ETF1: variants seen among roughly 807,000 people sequenced by gnomAD.
ETF1 encodes the protein eukaryotic translation termination factor 1.
In ETF1, 4 loss-of-function variants were observed where a neutral mutation model predicts 55.1. That is an observed-to-expected ratio of 0.07 (90% CI 0.04 to 0.17). The LOEUF is 0.17. ETF1 is among the 10% of genes least tolerant of loss of function. ETF1 has a pLI of 1.00. For missense variants in ETF1, 142 were observed against 523.6 expected, an observed-to-expected ratio of 0.27 and a Z score of 7.11; for synonymous variants, 157 against 182.3, an observed-to-expected ratio of 0.86 and a Z score of 1.12.
intron 2 of ETF1, among the ~76,000 whole-genome samples, chr5:138,531,567 A>G (rs1037508252): frequency 6.6e-6 from 1 of 152,232 alleles, no homozygotes; most frequent in Non-Finnish European, 1.5e-5. Context: ...CTTTCAGGTT[A>G]GGACCAGGAA....
rs28575890 is a variant in ETF1, at chr5:138,514,072, A to G, written c.403-366T>C. On this transcript the variant is annotated intron_variant, in intron 4 of 10. Transcript: ENST00000360541. ...AATTTTGAAACACACTACAACAGGGATGAAACTTGAATACATGCTAAGTGA... is the reference window on the plus strand; with the variant it reads ...AATTTTGAAACACACTACAACAGGGGTGAAACTTGAATACATGCTAAGTGA... The G allele has an allele frequency of 2.5e-3, 498 of 201,868 alleles. 1 individual carries two copies. Among genetic ancestry groups the G allele is most frequent in the African/African-American group, 0.011 (477 of 42,488 alleles). The allele number at this position is 201,868 out of a possible 1,614,324, so 12.5% of individuals were successfully genotyped here. A position where few individuals can be genotyped will look rare whatever the true frequency, so the allele number is the denominator to read the frequency against.
At chr5:138,531,904 G>A (rs938702042) in intron 2 of ETF1, among the ~76,000 whole-genome samples, 2 of 152,108 alleles carry the variant, frequency 1.3e-5, no homozygotes, top group African/African-American at 2.4e-5. Context: ...AAAATTAGCC[G>A]GGCGTGGTGG....
rs70982719 is a variant in ETF1 at position 138,534,965 on chromosome 5, CTTT to C, written c.86+7865_86+7867del. On this transcript the variant is annotated intron_variant, in intron 2 of 10. Coordinates refer to ENST00000360541, the MANE Select transcript of ETF1 (RefSeq NM_004730.4). Reference sequence around the variant, plus strand: ...TTACTCATCCTCAGAAAACTAGTTTCTTTTTTTTTTTTTTTTTTGAGACAGAGT... The same window carrying C: ...TTACTCATCCTCAGAAAACTAGTTTCTTTTTTTTTTTTTTTGAGACAGAGT... 2.7e-4 allele frequency among the ~76,000 whole-genome samples: 34 copies of C among 126,324 alleles called. No individual in the cohort carries two copies. The Middle Eastern group carries it at 0.013, about 48-fold the overall frequency. 82.9% of individuals were successfully genotyped at this position (126,324 alleles called of 152,430 possible).
At chr5:138,520,863 T>C (rs188834590) in intron 2 of ETF1, among the ~76,000 whole-genome samples, 17 of 152,106 alleles carry the variant, frequency 1.1e-4, no homozygotes, top group East Asian at 3.9e-4. Flanking sequence ...TGTGGAGAAA[T>C]TGGAACCCTT....
rs547329581 is a variant in ETF1, at chr5:138,522,880, C to A, written c.87-4013G>T. Reference sequence around the variant, plus strand: ...AATTAGCCGGGCGCAGTGGCAGGCGCCTGTAGTCTCAGCTATTCAGGAGGC... The same window carrying A: ...AATTAGCCGGGCGCAGTGGCAGGCGACTGTAGTCTCAGCTATTCAGGAGGC... On this transcript the variant is annotated intron_variant, in intron 2 of 10. Coordinates refer to ENST00000360541, the MANE Select transcript of ETF1 (RefSeq NM_004730.4). Among the ~76,000 whole-genome samples, 37 of 152,180 alleles carry A rather than the reference C, an allele frequency of 2.4e-4. No individual in the cohort carries two copies. The South Asian group carries it at 7.7e-3, about 32-fold the overall frequency.
At chr5:138,518,617 A>T in intron 3 of ETF1, 75 bp downstream of exon 3, 1 of 1,255,388 alleles carries the variant, frequency 8.0e-7, no homozygotes, top group South Asian at 1.4e-5. Flanking sequence ...TAGTGAACAA[A>T]GCACCATAGC....
chr5:138,526,560 G>A (rs1765481121), intron 2 of ETF1, among the ~76,000 whole-genome samples: 1 of 152,112 alleles, frequency 6.6e-6, no homozygotes, highest in Non-Finnish European at 1.5e-5. Flanking sequence ...CCCCCAGGAT[G>A]GAGTCTTGCT....
rs148149392 is a variant in ETF1, at chr5:138,529,234, A to G, written c.87-10367T>C. On this transcript the variant is annotated intron_variant, in intron 2 of 10. Transcript: ENST00000360541. ...AGTAAAGTTTCCAAACAAGATAAAC[A>G]TTCATTTACCCTCACTCCTGCAAGT... 9.5e-3 allele frequency among the ~76,000 whole-genome samples: 1,443 copies of G among 152,332 alleles called. 28 individuals are homozygous for G. Among genetic ancestry groups the G allele is most frequent in the African/African-American group, 0.032 (1,342 of 41,572 alleles).
chr5:138,526,981 T>A (rs1230561141), intron 2 of ETF1, among the ~76,000 whole-genome samples: 1 of 152,188 alleles, frequency 6.6e-6, no homozygotes, highest in East Asian at 1.9e-4. Flanking sequence ...ATTACAGGCA[T>A]GAGCCACCAT....
At chr5:138,520,296 G>C (rs992918726) in intron 2 of ETF1, among the ~76,000 whole-genome samples, 1 of 151,536 alleles carries the variant, frequency 6.6e-6, no homozygotes, top group South Asian at 2.1e-4. Context: ...ATGATTCTGA[G>C]AGACCCTTAT....
chr5:138,510,104 T>A (rs1278714204), intron 9 of ETF1, among the ~76,000 whole-genome samples: 1 of 150,424 alleles, frequency 6.6e-6, no homozygotes, highest in Admixed American at 6.6e-5. Flanking sequence ...ACACCTGTAA[T>A]CCCACCACTT....
chr5:138,543,169 G>A lies in ETF1; in HGVS notation c.-91C>T. On this transcript the variant is annotated 5_prime_UTR_variant, in exon 1 of 11. It adds an upstream start codon to the 5' untranslated region. Transcript: ENST00000360541. ...GCTCCGCGGCGGCGGCGGCTCTGAC[G>A]TAGGACACCGGCTCCCTCTCTCCAG... 1.7e-6 allele frequency: 1 copy of A among 572,774 alleles called. No homozygotes were observed. Among genetic ancestry groups the A allele is most frequent in the Non-Finnish European group, 3.1e-6 (1 of 324,894 alleles). 35.5% of individuals were successfully genotyped at this position (572,774 alleles called of 1,614,324 possible).
chr5:138,511,720 C>T, intron 6 of ETF1, 116 bp from the exon 7 acceptor site: 1 of 1,401,720 alleles, frequency 7.1e-7, no homozygotes, highest in Non-Finnish European at 9.3e-7. Context: ...GCATTATGAT[C>T]ACTGAAGTCT....
intron 3 of ETF1, 88 bp from the exon 4 acceptor site, chr5:138,517,788 CT>C: frequency 7.5e-7 from 1 of 1,326,904 alleles, no homozygotes; most frequent in Non-Finnish European, 9.7e-7. Context: ...CCTATTTTCC[CT>C]GCCTGATCCT....
chr5:138,524,744 A>AT (rs1195412703), intron 2 of ETF1, among the ~76,000 whole-genome samples: 3 of 151,524 alleles, frequency 2.0e-5, no homozygotes, highest in East Asian at 2.0e-4. Context: ...CACCCGGCTA[A>AT]TTTTTGTATT....
At position 138,511,493 on chromosome 5, in the gene ETF1, G is replaced by C; in HGVS notation, c.844C>G (p.Gln282Glu). The change falls in exon 7 of 11, where the codon CAA (glutamine) becomes GAA (glutamate). Residue 282 changes from glutamine to glutamate, a missense_variant. This residue lies in a region of ETF1 where 82 missense variants were observed against 232.9 expected (regional missense o/e 0.35). Transcript: ENST00000360541. The part of the protein sequence containing the change: ...TEVLSNVKFI[Q>E]EKKLIGRYFD... Reference sequence around the variant, plus strand: ...CCGATACCTATTAATTTCTTCTCTTGAATGAATTTCACGTTGGAGAGGACT... The same window carrying C: ...CCGATACCTATTAATTTCTTCTCTTCAATGAATTTCACGTTGGAGAGGACT... 1 of 1,612,796 alleles carries C rather than the reference G, an allele frequency of 6.2e-7. No homozygotes were observed. Among genetic ancestry groups the C allele is most frequent in the Non-Finnish European group, 8.5e-7 (1 of 1,179,712 alleles).
intron 5 of ETF1, 128 bp downstream of exon 5, chr5:138,513,440 G>T: frequency 1.2e-6 from 1 of 849,138 alleles, no homozygotes. Context: ...TTCTGACTTC[G>T]TGATCCACCC....
intron 2 of ETF1, chr5:138,541,615 C>CT (rs1766179196): frequency 6.5e-7 from 1 of 1,529,570 alleles, no homozygotes; most frequent in Non-Finnish European, 8.7e-7. Flanking sequence ...AATTGCAAAT[C>CT]TACCCATAAA....
At chr5:138,527,770 TTTC>T (rs1048299915) in intron 2 of ETF1, among the ~76,000 whole-genome samples, 3 of 151,808 alleles carry the variant, frequency 2.0e-5, no homozygotes, top group African/African-American at 4.8e-5. Flanking sequence ...TAGGAAGTTC[TTTC>T]TTTTCTTTTT....
Sources: gnomAD v4.1 joint callset for allele counts (sites outside exome capture counted in the v4.1 genomes callset) on GRCh38, gnomAD v4.1.1 for gene constraint, gnomAD v4.1.1 regional missense constraint, MANE v1.5 for transcripts, NCBI Gene and HGNC (gene_info 2026-07-23, HGNC 2026-07-21) for gene names.